The following AATK variants were observed in gnomAD, a reference collection of about 807,000 sequenced individuals.
AATK encodes the protein serine/threonine-protein kinase LMTK1.
A neutral mutation model predicts 114.3 loss-of-function variants in AATK; 91 were observed. The observed-to-expected ratio is 0.80, with a 90% CI of 0.67 to 0.95. The LOEUF is 0.95. Ranked by LOEUF, AATK falls within the 40% of genes least tolerant of loss-of-function variation. AATK has a pLI of 0.00. For missense variants in AATK, 2,176 were observed against 1,965.2 expected (o/e 1.11, Z -2.03); for synonymous variants, 1,075 against 916.5 (o/e 1.17, Z -3.12).
chr17:81,155,214 C>A (rs1034722582), intron 1 of AATK, among the ~76,000 whole-genome samples: 1 of 152,158 alleles, frequency 6.6e-6, no homozygotes, highest in Non-Finnish European at 1.5e-5. Flanking sequence ...GCTCTGTGGG[C>A]GACTGCACGT....
At chr17:81,156,160 ATGTTACAATGTATGTTAC>A (rs1332722526) in intron 1 of AATK, among the ~76,000 whole-genome samples, 16 of 8,436 alleles carry the variant, frequency 1.9e-3, no homozygotes, top group African/African-American at 2.7e-3. Context: ...GTATGTTATC[ATGTTACAATGTATGTTAC>A]TGTTACAATG....
intron 1 of AATK, among the ~76,000 whole-genome samples, chr17:81,151,311 T>G (rs1453506222): frequency 1.6e-5 from 1 of 63,996 alleles, no homozygotes; most frequent in African/African-American, 6.1e-5. Flanking sequence ...CCCTCCTGTC[T>G]CCCCCCTCAC....
In AATK at chr17:81,121,566, G is replaced by A. The variant is rs370499902; in HGVS notation, c.2370C>T (p.Thr790=). The change falls in exon 11 of 14, where the codon ACC becomes ACT. Residue 790 remains threonine, a synonymous_variant. Transcript: ENST00000326724. The part of the protein sequence containing the change: ...PKLATEAEGT[T]GPRLPLPSVP... ...CGGAAGGAAGGGGCAGGCGGGGTCC[G>A]GTAGTGCCCTCAGCCTCCGTGGCAA... The A allele has an allele frequency of 2.8e-4, 424 of 1,515,748 alleles. 1 individual carries two copies. The African/African-American group carries it at 4.0e-3, about 14-fold the overall frequency. 93.9% of individuals were successfully genotyped at this position (1,515,748 alleles called of 1,614,324 possible). A position where few individuals can be genotyped will look rare whatever the true frequency, so the allele number is the denominator to read the frequency against.
At chr17:81,120,113 C>G (rs376545697) in intron 11 of AATK, 30 bp from the exon 12 acceptor site, 2 of 1,466,270 alleles carry the variant, frequency 1.4e-6, no homozygotes, top group Non-Finnish European at 1.8e-6. Context: ...CCAGGTAGCT[C>G]GGCCGCCAGG....
chr17:81,144,786 T>C (rs2061192269), intron 1 of AATK, among the ~76,000 whole-genome samples: 1 of 151,960 alleles, frequency 6.6e-6, no homozygotes, highest in Admixed American at 6.6e-5. Flanking sequence ...AGCTCCCGGG[T>C]GAAAGAAGCT....
rs1555689749 is a variant in AATK at position 81,119,464 on chromosome 17, A to AGGGAGCGGGCGT, written c.3988_3999dup (p.Thr1330_Pro1333dup). The AGGGAGCGGGCGT allele has an allele frequency of 1.3e-6, 2 of 1,500,088 alleles. No homozygotes were observed. The highest frequency in any genetic ancestry group is 2.2e-5 in the Admixed American group (1 of 45,438). 92.9% of individuals were successfully genotyped at this position (1,500,088 alleles called of 1,614,324 possible). On this transcript the variant is annotated inframe_insertion, in exon 13 of 14. Coordinates refer to ENST00000326724, the MANE Select transcript of AATK (RefSeq NM_001080395.3). ...GCGGGCGACACCGTGAAGCGCGAGA[A>AGGGAGCGGGCGT]GGGAGCGGGCGTGGGCGTGGGCGCA...
At position 81,128,531 on chromosome 17, in the gene AATK, G is replaced by A. The variant is rs2060882672; in HGVS notation, c.353C>T (p.Thr118Ile). 1.3e-6 allele frequency: 2 copies of A among 1,549,102 alleles called. No homozygotes were observed. The highest frequency in any genetic ancestry group is 2.0e-5 in the Admixed American group (1 of 50,984). Reference sequence around the variant, plus strand: ...CAGGAGGCTGTGCCGGCCCACGTCTGTGGACTTGAGGAGCTGCACTGTAAC... The same window carrying A: ...CAGGAGGCTGTGCCGGCCCACGTCTATGGACTTGAGGAGCTGCACTGTAAC... ...PGRSVQLLKSTDVGRHSLLYL... is the reference protein window; with the variant it reads ...PGRSVQLLKSIDVGRHSLLYL... Residue 118 changes from threonine (T) to isoleucine (I), a missense_variant, in exon 4 of 14, where the codon ACA (threonine) becomes ATA (isoleucine). Thr to Ile is a moderately conservative substitution (Grantham distance 89, BLOSUM62 -1). Around this residue, in one of 4 missense-constraint regions of AATK, gnomAD observed 178 missense variants for 175.4 expected, o/e 1.01. Transcript: ENST00000326724.
At chr17:81,140,927 G>A (rs1474235362) in intron 1 of AATK, among the ~76,000 whole-genome samples, 12 of 101,726 alleles carry the variant, frequency 1.2e-4, no homozygotes, top group South Asian at 3.9e-4. Flanking sequence ...CCGTGGGACC[G>A]TGGGACCATG....
At chr17:81,119,292 C>G in intron 13 of AATK, 88 bp downstream of exon 13, 1 of 1,317,510 alleles carries the variant, frequency 7.6e-7, no homozygotes, top group Non-Finnish European at 9.9e-7. Context: ...CTGGCCCGGC[C>G]CAGGACCTAG....
rs552634425 is a variant in AATK at position 81,138,543 on chromosome 17, C to T, written c.56-4042G>A. On this transcript the variant is annotated intron_variant, in intron 1 of 13. Coordinates refer to ENST00000326724, the MANE Select transcript of AATK (RefSeq NM_001080395.3). ...CCACACACGTGCACATACACGTTCGCGTGCACACACGTGCACACATACCCC... is the reference window on the plus strand; with the variant it reads ...CCACACACGTGCACATACACGTTCGTGTGCACACACGTGCACACATACCCC... Among the ~76,000 whole-genome samples the T allele has an allele frequency of 5.0e-3, 750 of 149,834 alleles. 3 individuals are homozygous for T. Among genetic ancestry groups the T allele is most frequent in the African/African-American group, 0.018 (722 of 40,458 alleles).
chr17:81,149,823 C>T (rs2061272313), intron 1 of AATK, among the ~76,000 whole-genome samples: 1 of 152,170 alleles, frequency 6.6e-6, no homozygotes, highest in Non-Finnish European at 1.5e-5. Context: ...CAGTCAGCCC[C>T]CATCAGCCCA....
At chr17:81,137,789 A>G (rs573752677) in intron 1 of AATK, among the ~76,000 whole-genome samples, 1 of 151,992 alleles carries the variant, frequency 6.6e-6, no homozygotes, top group Admixed American at 6.5e-5. Context: ...TGCACACACT[A>G]TACACAGGCC....
intron 2 of AATK, among the ~76,000 whole-genome samples, chr17:81,134,019 T>G (rs2060974409): frequency 6.6e-6 from 1 of 152,088 alleles, no homozygotes; most frequent in Admixed American, 6.5e-5. Context: ...GTCGGGCCTC[T>G]AGGGAGGCAA....
chr17:81,129,942 G>A (rs1019944726), intron 3 of AATK, among the ~76,000 whole-genome samples: 2 of 152,238 alleles, frequency 1.3e-5, no homozygotes, highest in Non-Finnish European at 2.9e-5. Flanking sequence ...CAGGAGATGG[G>A]GCAGAGTAGG....
intron 1 of AATK, among the ~76,000 whole-genome samples, chr17:81,139,745 C>T (rs778884749): frequency 6.6e-6 from 1 of 152,254 alleles, no homozygotes; most frequent in African/African-American, 2.4e-5. Context: ...TGAGGCTGTG[C>T]CCCTGGCCAT....
At chr17:81,158,861 CA>C (rs565027590) in intron 1 of AATK, among the ~76,000 whole-genome samples, 2,175 of 152,246 alleles carry the variant, frequency 0.014, 21 homozygotes, top group Non-Finnish European at 0.019. Flanking sequence ...GGGATGGGGG[CA>C]AAATGGCACC....
In AATK at chr17:81,126,833, A is replaced by G. The variant is rs906474782; in HGVS notation, c.622-273T>C. ...GTCCCTTGGCCTGTGGTAGAGAGAG[A>G]AACACAGGGCCCAAGTGGATCTGCT... On this transcript the variant is annotated intron_variant, in intron 6 of 13. Coordinates refer to ENST00000326724, the MANE Select transcript of AATK (RefSeq NM_001080395.3). The surrounding 1 kb of genome is among the most constrained non-coding windows in gnomAD (Gnocchi z 5.1). 2 of 1,299,020 alleles carry G rather than the reference A, an allele frequency of 1.5e-6. No individual in the cohort carries two copies. The highest frequency in any genetic ancestry group is 3.0e-5 in the African/African-American group (2 of 67,412). The allele number at this position is 1,299,020 out of a possible 1,614,324, so 80.5% of individuals were successfully genotyped here.
intron 13 of AATK, among the ~76,000 whole-genome samples, chr17:81,118,789 C>T (rs1341185208): frequency 6.6e-6 from 1 of 152,204 alleles, no homozygotes. Flanking sequence ...CTGACAGGCC[C>T]TTCCCCCAGG....
At position 81,166,117 on chromosome 17, in the gene AATK, C is replaced by A. The variant is rs1449522008; in HGVS notation, c.-125G>T. On this transcript the variant is annotated 5_prime_UTR_variant, in exon 1 of 14. Coordinates refer to ENST00000326724, the MANE Select transcript of AATK (RefSeq NM_001080395.3). ...TGCGGAGCGCGCCGGCCCCCGCGCC[C>A]CGCGCCCCCCGCCGCAGCCGCAGAG... is the stretch of plus-strand genomic sequence containing the variant. 4.3e-5 allele frequency: 19 copies of A among 440,964 alleles called. No individual in the cohort carries two copies. Among genetic ancestry groups the A allele is most frequent in the Non-Finnish European group, 5.6e-5 (19 of 337,126 alleles). 27.3% of individuals were successfully genotyped at this position (440,964 alleles called of 1,614,324 possible). A position where few individuals can be genotyped will look rare whatever the true frequency, so the allele number is the denominator to read the frequency against.
Sources: gnomAD v4.1 joint callset for allele counts (sites outside exome capture counted in the v4.1 genomes callset) on GRCh38, gnomAD v4.1.1 for gene constraint, gnomAD v4.1.1 regional missense constraint, Gnocchi (gnomAD v3.1) non-coding constraint, MANE v1.5 for transcripts, NCBI Gene and HGNC (gene_info 2026-07-23, HGNC 2026-07-21) for gene names.